Variants in RNF220 observed in about 807,000 individuals in gnomAD.
RNF220 encodes the protein ring finger protein 220.
Under a neutral mutation model 67.1 loss-of-function variants are expected in RNF220, and 7 were observed. That is an observed-to-expected ratio of 0.10 (90% CI 0.06 to 0.20). The LOEUF (loss-of-function observed/expected upper bound fraction) is 0.20. Among genes scored for constraint, RNF220 ranks in the 10% least tolerant of loss-of-function variants. The pLI, the probability that RNF220 is intolerant of heterozygous loss-of-function variation, is 1.00. For synonymous variants in RNF220, 270 were observed against 283.2 expected (o/e 0.95, Z 0.47); for missense variants, 565 against 740.3 (o/e 0.76, Z 2.75).
chr1:44,430,453 G>A (rs923815968), intron 2 of RNF220, among the ~76,000 whole-genome samples: 14 of 152,068 alleles, frequency 9.2e-5, no homozygotes, highest in Non-Finnish European at 1.6e-4. Context: ...GTGACAACTG[G>A]ATGAAGAGTA....
At chr1:44,516,674 C>A (rs566154833) in intron 2 of RNF220, among the ~76,000 whole-genome samples, 3 of 151,226 alleles carry the variant, frequency 2.0e-5, no homozygotes, top group Admixed American at 6.6e-5. Context: ...GAAAGGAAAC[C>A]AATATTTATG....
intron 2 of RNF220, among the ~76,000 whole-genome samples, chr1:44,502,656 A>G (rs1350176431): frequency 6.6e-6 from 1 of 152,256 alleles, no homozygotes. Flanking sequence ...TTCTAATCCA[A>G]TGAGATAATA....
intron 2 of RNF220, among the ~76,000 whole-genome samples, chr1:44,568,059 CCACTGCT>C: frequency 6.6e-6 from 1 of 152,308 alleles, no homozygotes; most frequent in South Asian, 2.1e-4. Flanking sequence ...CGCTGTGTCA[CCACTGCT>C]GGAATTCTGG....
At chr1:44,560,368 T>C (rs1663470345) in intron 2 of RNF220, among the ~76,000 whole-genome samples, 1 of 152,130 alleles carries the variant, frequency 6.6e-6, no homozygotes, top group African/African-American at 2.4e-5. Context: ...GATTTTCCAG[T>C]GTCTTCATGG....
intron 2 of RNF220, among the ~76,000 whole-genome samples, chr1:44,418,737 A>C (rs975156735): frequency 6.6e-6 from 1 of 152,132 alleles, no homozygotes; most frequent in Non-Finnish European, 1.5e-5. Flanking sequence ...GGAAACTGAA[A>C]AATAGAATTA....
At chr1:44,459,185 G>C (rs543082647) in intron 2 of RNF220, among the ~76,000 whole-genome samples, 1 of 140,348 alleles carries the variant, frequency 7.1e-6, no homozygotes, top group Non-Finnish European at 1.6e-5. Context: ...TCTTTTGGTG[G>C]GTTTTTTTTT....
At chr1:44,430,780 C>T (rs991925446) in intron 2 of RNF220, among the ~76,000 whole-genome samples, 6 of 152,182 alleles carry the variant, frequency 3.9e-5, no homozygotes, top group East Asian at 1.9e-4. Flanking sequence ...CTCCTGATGT[C>T]GTGATCCGCC....
At chr1:44,639,111 A>G (rs1480492852) in intron 8 of RNF220, among the ~76,000 whole-genome samples, 1 of 152,242 alleles carries the variant, frequency 6.6e-6, no homozygotes, top group Non-Finnish European at 1.5e-5. Flanking sequence ...CTTGGGTACC[A>G]TGCCAAACCT....
chr1:44,459,816 A>C (rs540868992), intron 2 of RNF220, among the ~76,000 whole-genome samples: 1 of 152,288 alleles, frequency 6.6e-6, no homozygotes, highest in African/African-American at 2.4e-5. Context: ...AAGTGTATTA[A>C]AGAGGTGAGG....
At chr1:44,564,751 C>CA (rs34127522) in intron 2 of RNF220, among the ~76,000 whole-genome samples, 30,422 of 93,424 alleles carry the variant, frequency 0.33, 3,926 homozygotes, top group East Asian at 0.52. Flanking sequence ...GACTCCATCT[C>CA]AAAAAAAAAA....
chr1:44,487,508 C>T (rs1337172314), intron 2 of RNF220, among the ~76,000 whole-genome samples: 1 of 150,592 alleles, frequency 6.6e-6, no homozygotes, highest in East Asian at 1.9e-4. Context: ...GGAGAGAAGC[C>T]CCTGGGCATC....
intron 2 of RNF220, among the ~76,000 whole-genome samples, chr1:44,413,904 A>C (rs114099411): frequency 0.019 from 2,934 of 152,298 alleles, 102 homozygotes; most frequent in African/African-American, 0.067. Context: ...GCACTGTGTT[A>C]ACTTCCCTGC....
intron 12 of RNF220, among the ~76,000 whole-genome samples, chr1:44,646,154 C>T (rs1470014614): frequency 1.3e-5 from 2 of 152,348 alleles, no homozygotes; most frequent in Admixed American, 1.3e-4. Context: ...AACTCCAGTA[C>T]CCACCCCACC....
At chr1:44,616,167 C>G (rs1241801650) in intron 3 of RNF220, among the ~76,000 whole-genome samples, 1 of 152,204 alleles carries the variant, frequency 6.6e-6, no homozygotes, top group Non-Finnish European at 1.5e-5. Context: ...TTCTTATGAT[C>G]TAGTCTGGGA....
intron 2 of RNF220, among the ~76,000 whole-genome samples, chr1:44,425,308 A>G (rs1332956245): frequency 2.0e-5 from 3 of 152,188 alleles, no homozygotes; most frequent in East Asian, 1.9e-4. Flanking sequence ...TATTTGCTTA[A>G]TTGTGCCTCT....
chr1:44,613,640 A>G lies in RNF220; in HGVS notation c.626-525A>G, dbSNP rs554835261. Among the ~76,000 whole-genome samples, 3 of 152,300 alleles carry G rather than the reference A, an allele frequency of 2.0e-5. No homozygotes were observed. In the South Asian group the frequency reaches 6.2e-4, roughly 32 times the overall value. ...CGCAGTAATCCCAGCACTTTGGGAG[A>G]CCAAGGCTGGCAGATGACTTGAGGC... On this transcript the variant is annotated intron_variant, in intron 2 of 14. Transcript: ENST00000361799.
Position 44,547,990 on chromosome 1 carries a change from A to G in RNF220, c.626-66175A>G, listed in dbSNP as rs1316070654. On this transcript the variant is annotated intron_variant, in intron 2 of 14. Coordinates refer to ENST00000361799, the MANE Select transcript of RNF220 (RefSeq NM_018150.4). ...CAGCACCCGCACACATCAACTCGCA[A>G]CTTGTTCTCTTTCCTTCATTTTCTC... is the stretch of plus-strand genomic sequence containing the variant. 3.9e-5 allele frequency among the ~76,000 whole-genome samples: 6 copies of G among 151,902 alleles called. 1 individual carries two copies. Among genetic ancestry groups the G allele is most frequent in the Non-Finnish European group, 1.5e-5 (1 of 67,988 alleles).
chr1:44,433,517 C>A (rs1173057368), intron 2 of RNF220, among the ~76,000 whole-genome samples: 1 of 152,074 alleles, frequency 6.6e-6, no homozygotes, highest in Admixed American at 6.5e-5. Context: ...GAGTTTTTTC[C>A]AATTCTGCAG....
chr1:44,498,881 C>T (rs1009863580), intron 2 of RNF220, among the ~76,000 whole-genome samples: 1 of 152,192 alleles, frequency 6.6e-6, no homozygotes, highest in African/African-American at 2.4e-5. Flanking sequence ...ATATCCTGCT[C>T]ATTTGGTTCC....
Sources: allele counts gnomAD v4.1 joint callset (sites outside exome capture counted in the v4.1 genomes callset), GRCh38; gene constraint gnomAD v4.1.1; transcripts MANE v1.5; gene names NCBI Gene and HGNC (gene_info 2026-07-23, HGNC 2026-07-21).